RGS22: variants seen among roughly 807,000 people sequenced by gnomAD.
The protein encoded by RGS22 is regulator of G-protein signaling 22.
Under a neutral mutation model 172.9 loss-of-function variants are expected in RGS22, and 148 were observed. The ratio of observed to expected loss-of-function variants is 0.86; its 90% CI spans 0.75 to 0.98. RGS22 has a LOEUF of 0.98. Ranked by LOEUF, RGS22 falls within the 50% of genes least tolerant of loss-of-function variation. The pLI is 0.00. For synonymous variants in RGS22, 458 were observed against 480.2 expected (o/e 0.95, Z 0.60); for missense variants, 1,347 against 1,440.8 (o/e 0.93, Z 1.05).
intron 9 of RGS22, among the ~76,000 whole-genome samples, chr8:100,056,080 CA>C (rs1338250622): frequency 2.0e-5 from 3 of 152,068 alleles, no homozygotes; most frequent in Admixed American, 6.6e-5. Context: ...ATAGTGTGGA[CA>C]ATAAAGTCCT....
chr8:100,101,754 C>G (rs1171448790), intron 2 of RGS22, among the ~76,000 whole-genome samples: 1 of 151,340 alleles, frequency 6.6e-6, no homozygotes, highest in Non-Finnish European at 1.5e-5. Flanking sequence ...AGAATGAAGA[C>G]CCCATGTTGA....
At chr8:100,043,712 G>A (rs1428245522) in intron 11 of RGS22, among the ~76,000 whole-genome samples, 1 of 151,946 alleles carries the variant, frequency 6.6e-6, no homozygotes, top group Non-Finnish European at 1.5e-5. Flanking sequence ...TGAGGTGGAG[G>A]CTGCAGTGAG....
intron 4 of RGS22, among the ~76,000 whole-genome samples, chr8:100,072,920 A>T (rs1314439101): frequency 6.6e-6 from 1 of 152,200 alleles, no homozygotes; most frequent in Non-Finnish European, 1.5e-5. Flanking sequence ...GATGAGAGAG[A>T]GAAAGGTTGG....
At chr8:99,963,033 C>T in intron 24 of RGS22, 55 bp from the exon 25 acceptor site, 1 of 1,408,252 alleles carries the variant, frequency 7.1e-7, no homozygotes, top group Non-Finnish European at 9.5e-7. Flanking sequence ...AGGAAATAAA[C>T]TGAAGATAAG....
intron 7 of RGS22, among the ~76,000 whole-genome samples, 176 bp downstream of exon 7, chr8:100,065,991 C>T (rs1810506321): frequency 6.6e-6 from 1 of 152,170 alleles, no homozygotes; most frequent in African/African-American, 2.4e-5. Flanking sequence ...ATTCTAAACC[C>T]ATCTCCTTTT....
intron 14 of RGS22, among the ~76,000 whole-genome samples, chr8:100,027,564 C>T (rs1324540066): frequency 6.6e-6 from 1 of 152,158 alleles, no homozygotes; most frequent in Non-Finnish European, 1.5e-5. Context: ...CTCACTGCAA[C>T]CTCCATCTCC....
In RGS22 at chr8:99,961,103, C is replaced by T. The variant is rs1028245325; in HGVS notation, c.*139G>A. The T allele has an allele frequency of 1.3e-4, 52 of 399,990 alleles. No homozygotes were observed. The highest frequency in any genetic ancestry group is 1.0e-3 in the African/African-American group (49 of 47,148). 24.8% of individuals were successfully genotyped at this position (399,990 alleles called of 1,614,324 possible). On this transcript the variant is annotated 3_prime_UTR_variant, in exon 28 of 28. Transcript: ENST00000360863. ...CCCACCTGGAAAATCCAGAATCAAA[C>T]TTTATTTAGATGTTAGGCTTGCTCT...
intron 21 of RGS22, among the ~76,000 whole-genome samples, chr8:99,986,121 T>C (rs1371761433): frequency 1.3e-5 from 2 of 152,050 alleles, no homozygotes; most frequent in African/African-American, 4.8e-5. Flanking sequence ...TCCCAGCTAC[T>C]TGGGAGGCTG....
chr8:100,080,384 C>A (rs553255739), intron 3 of RGS22, 29 bp from the exon 4 acceptor site: 4 of 1,519,916 alleles, frequency 2.6e-6, no homozygotes, highest in Non-Finnish European at 9.0e-7. Context: ...GAAATTAAAA[C>A]ATTTTTTAAA....
At position 100,071,389 on chromosome 8, in the gene RGS22, A is replaced by C. The variant is rs769807073; in HGVS notation, c.574T>G (p.Phe192Val). 4 of 1,610,996 alleles carry C rather than the reference A, an allele frequency of 2.5e-6. No individual in the cohort carries two copies. The South Asian group carries it at 3.3e-5, about 13-fold the overall frequency. Reference sequence around the variant, plus strand: ...TTTACCTCACCAAGTGATACATAGAACTTTTTCATAATTACAAGATTATCT... The same window carrying C: ...TTTACCTCACCAAGTGATACATAGACCTTTTTCATAATTACAAGATTATCT... The part of the protein sequence containing the change: ...EEDNLVIMKK[F>V]YVSLGEASYT... Residue 192 changes from phenylalanine to valine, a missense_variant, in exon 6 of 28, where the codon TTC (phenylalanine) becomes GTC (valine). Coordinates refer to ENST00000360863, the MANE Select transcript of RGS22 (RefSeq NM_015668.5).
rs778928759 is a variant in RGS22 at position 100,072,187 on chromosome 8, C to G, written c.383G>C (p.Arg128Thr). 1.1e-5 allele frequency: 18 copies of G among 1,605,248 alleles called. No individual in the cohort carries two copies. The highest frequency in any genetic ancestry group is 3.4e-6 in the Non-Finnish European group (4 of 1,176,392). The change falls in exon 5 of 28, where the codon AGA becomes ACA. Residue 128 changes from arginine to threonine, a missense_variant. Coordinates refer to ENST00000360863, the MANE Select transcript of RGS22 (RefSeq NM_015668.5). ...ATCACTTTCCAGAAATGCTGGAAGT[C>G]TTTCTTTTTTGATCCACTTAATACC... ...EEGIKWIKKE[R>T]LPAFLESDCY...
At chr8:100,088,690 C>T (rs1812336947) in intron 3 of RGS22, among the ~76,000 whole-genome samples, 1 of 152,090 alleles carries the variant, frequency 6.6e-6, no homozygotes, top group Non-Finnish European at 1.5e-5. Flanking sequence ...GGCTACCAGC[C>T]ACCAGTTTCA....
Position 99,981,926 on chromosome 8 carries a change from T to C in RGS22, c.3360+11A>G. ...TTAAAATATGCTTAGCCACATGCCCTGATCTCTTACCTGTGCCTCTCTAAA... is the reference window on the plus strand; with the variant it reads ...TTAAAATATGCTTAGCCACATGCCCCGATCTCTTACCTGTGCCTCTCTAAA... On this transcript the variant is annotated intron_variant, in intron 22 of 27. Coordinates refer to ENST00000360863, the MANE Select transcript of RGS22 (RefSeq NM_015668.5). The C allele has an allele frequency of 6.2e-7, 1 of 1,601,232 alleles. No individual in the cohort carries two copies. The highest frequency in any genetic ancestry group is 8.5e-7 in the Non-Finnish European group (1 of 1,174,028).
At chr8:100,071,834 GT>G (rs1811004083) in intron 5 of RGS22, among the ~76,000 whole-genome samples, 2 of 152,198 alleles carry the variant, frequency 1.3e-5, no homozygotes, top group Non-Finnish European at 2.9e-5. Context: ...GGCATTCTAT[GT>G]TTTTCGCGTC....
intron 2 of RGS22, among the ~76,000 whole-genome samples, chr8:100,103,266 T>C (rs1014503614): frequency 1.1e-4 from 17 of 152,304 alleles, no homozygotes; most frequent in Admixed American, 2.6e-4. Flanking sequence ...AGAAGGAATA[T>C]TGGAGGCAAT....
At chr8:100,086,331 T>C (rs944003937) in intron 3 of RGS22, among the ~76,000 whole-genome samples, 6 of 152,282 alleles carry the variant, frequency 3.9e-5, no homozygotes, top group African/African-American at 1.4e-4. Flanking sequence ...TACTATCATA[T>C]GCTGTAACTC....
intron 4 of RGS22, among the ~76,000 whole-genome samples, chr8:100,074,864 T>G (rs542147373): frequency 4.1e-4 from 62 of 152,228 alleles, no homozygotes; most frequent in Non-Finnish European, 7.8e-4. Flanking sequence ...GCCTCCCAGG[T>G]TCACGCCATT....
rs568893959 is a variant in RGS22 at position 100,038,134 on chromosome 8, T to C, written c.2166+797A>G. 2.6e-5 allele frequency among the ~76,000 whole-genome samples: 4 copies of C among 152,288 alleles called. No homozygotes were observed. The South Asian group carries it at 8.3e-4, about 32-fold the overall frequency. ...GTTATTCTGGATTGTAAGAATCACT[T>C]AAGTGGTGAACAGATATAGAAGTGA... On this transcript the variant is annotated intron_variant, in intron 14 of 27. Transcript: ENST00000360863.
chr8:99,982,715 T>G (rs1054542727), intron 21 of RGS22, among the ~76,000 whole-genome samples: 2 of 152,228 alleles, frequency 1.3e-5, no homozygotes, highest in Non-Finnish European at 2.9e-5. Flanking sequence ...CCATTCTATA[T>G]CTTTTATTAT....
Sources: gnomAD v4.1 joint callset for allele counts (sites outside exome capture counted in the v4.1 genomes callset) on GRCh38, gnomAD v4.1.1 for gene constraint, MANE v1.5 for transcripts, NCBI Gene and HGNC (gene_info 2026-07-23, HGNC 2026-07-21) for gene names.